XPNPEP1: variants seen among roughly 807,000 people sequenced by gnomAD.
XPNPEP1 encodes xaa-Pro aminopeptidase 1.
A neutral mutation model predicts 92.4 loss-of-function variants in XPNPEP1; 39 were observed. The observed-to-expected ratio is 0.42, with a 90% CI of 0.33 to 0.55. XPNPEP1 has a LOEUF of 0.55. Ranked by LOEUF, XPNPEP1 falls within the 20% of genes least tolerant of loss-of-function variation. XPNPEP1 has a pLI of 0.08. For synonymous variants in XPNPEP1, 307 were observed against 299.4 expected (o/e 1.03, Z -0.26); for missense variants, 654 against 856.1 (o/e 0.76, Z 2.95).
At chr10:109,917,970 A>G (rs7906367) in intron 1 of XPNPEP1, among the ~76,000 whole-genome samples, 83,757 of 151,898 alleles carry the variant, frequency 0.55, 25,352 homozygotes, top group African/African-American at 0.77. Context: ...AAAATTAGTC[A>G]GGCATGGTGG....
intron 1 of XPNPEP1, among the ~76,000 whole-genome samples, chr10:109,917,283 G>C (rs1280022690): frequency 1.3e-5 from 2 of 152,152 alleles, no homozygotes; most frequent in Non-Finnish European, 2.9e-5. Context: ...AGTTCATCAA[G>C]AATGCAGGAT....
chr10:109,870,674 A>C, intron 18 of XPNPEP1, 57 bp downstream of exon 18: 1 of 1,537,148 alleles, frequency 6.5e-7, no homozygotes, highest in Non-Finnish European at 8.8e-7. Context: ...AAAACAACGA[A>C]TAGCTTTCAA....
At chr10:109,886,187 C>G in intron 8 of XPNPEP1, 59 bp downstream of exon 8, 1 of 1,559,196 alleles carries the variant, frequency 6.4e-7, no homozygotes, top group Non-Finnish European at 8.8e-7. Flanking sequence ...ACACAGATAC[C>G]CAGAGACCCA....
At chr10:109,897,291 T>G (rs1339842571) in intron 3 of XPNPEP1, among the ~76,000 whole-genome samples, 2 of 151,964 alleles carry the variant, frequency 1.3e-5, no homozygotes, top group South Asian at 4.1e-4. Flanking sequence ...GCTAGTCATC[T>G]CTCAAAAATC....
At chr10:109,900,582 C>T (rs1027111430) in intron 3 of XPNPEP1, among the ~76,000 whole-genome samples, 9 of 152,156 alleles carry the variant, frequency 5.9e-5, no homozygotes, top group African/African-American at 2.2e-4. Context: ...ACATTTAATC[C>T]AGGTTGTACT....
chr10:109,916,475 C>A (rs1850198242), intron 1 of XPNPEP1, among the ~76,000 whole-genome samples: 2 of 152,268 alleles, frequency 1.3e-5, no homozygotes, highest in South Asian at 4.1e-4. Flanking sequence ...GCTATGAACT[C>A]AATTAAGTTA....
At chr10:109,887,929 G>A (rs1048905780) in intron 7 of XPNPEP1, 120 bp downstream of exon 7, 4 of 1,422,766 alleles carry the variant, frequency 2.8e-6, no homozygotes, top group Non-Finnish European at 2.8e-6. Context: ...GGGCAGAGTA[G>A]GGCAAAATCC....
In XPNPEP1 at chr10:109,882,599, C is replaced by T. The variant is rs1233034229; in HGVS notation, c.874G>A (p.Glu292Lys). Reference sequence around the variant, plus strand: ...AGACCCAAGTCAAGAAGCAGGTGCTCCTTCACACTGGGGGCGTCTATGCGG... The same window carrying T: ...AGACCCAAGTCAAGAAGCAGGTGCTTCTTCACACTGGGGGCGTCTATGCGG... ...GDRIDAPSVKEHLLLDLGLEA... is the reference protein window; with the variant it reads ...GDRIDAPSVKKHLLLDLGLEA... The change falls in exon 10 of 21, where the codon GAG becomes AAG. Residue 292 changes from glutamate to lysine, a missense_variant. Transcript: ENST00000502935. 1.2e-6 allele frequency: 2 copies of T among 1,614,130 alleles called. No individual in the cohort carries two copies. Among genetic ancestry groups the T allele is most frequent in the East Asian group, 4.5e-5 (2 of 44,888 alleles).
intron 1 of XPNPEP1, 152 bp downstream of exon 1, chr10:109,923,250 G>A: frequency 2.0e-6 from 2 of 985,302 alleles, no homozygotes; most frequent in Non-Finnish European, 2.4e-6. Context: ...CCCGGCTCCT[G>A]TTCCGGGGCT....
intron 1 of XPNPEP1, 170 bp from the exon 2 acceptor site, chr10:109,915,269 G>A: frequency 2.5e-6 from 1 of 401,324 alleles, no homozygotes; most frequent in East Asian, 3.7e-5. Context: ...AAACTTGCAG[G>A]TGTAAAACAT....
intron 3 of XPNPEP1, among the ~76,000 whole-genome samples, chr10:109,897,611 G>A (rs1849054000): frequency 6.6e-6 from 1 of 151,450 alleles, no homozygotes; most frequent in South Asian, 2.1e-4. Context: ...CTTCCCCAAG[G>A]TAACACCACA....
At chr10:109,905,449 C>T (rs1849508891) in intron 3 of XPNPEP1, among the ~76,000 whole-genome samples, 1 of 152,068 alleles carries the variant, frequency 6.6e-6, no homozygotes, top group Non-Finnish European at 1.5e-5. Context: ...ACCTCATGAT[C>T]CGCCTGCCTC....
Position 109,896,095 on chromosome 10 carries a change from T to C in XPNPEP1, c.247-3020A>G, listed in dbSNP as rs534455516. On this transcript the variant is annotated intron_variant, in intron 3 of 20. Coordinates refer to ENST00000502935, the MANE Select transcript of XPNPEP1 (RefSeq NM_020383.4). ...ATTCCTGCCTCAAGGCCTTGGCACA[T>C]GTGCTTCCTTGTGCCTATAAAAGTA... Among the ~76,000 whole-genome samples, 3 of 152,266 alleles carry C rather than the reference T, an allele frequency of 2.0e-5. No homozygotes were observed. The East Asian group carries it at 5.8e-4, about 29-fold the overall frequency.
chr10:109,880,449 A>C (rs1848028597), intron 11 of XPNPEP1, among the ~76,000 whole-genome samples: 1 of 152,150 alleles, frequency 6.6e-6, no homozygotes, highest in Admixed American at 6.5e-5. Context: ...TCAGTAGTTC[A>C]GGTACAATCA....
chr10:109,868,766 C>G, intron 19 of XPNPEP1, 54 bp from the exon 20 acceptor site: 1 of 1,522,304 alleles, frequency 6.6e-7, no homozygotes, highest in Non-Finnish European at 9.1e-7. Flanking sequence ...TATGCTGAAG[C>G]ACCATGAGGT....
intron 20 of XPNPEP1, among the ~76,000 whole-genome samples, chr10:109,865,759 G>C (rs1847105674): frequency 6.6e-6 from 1 of 152,200 alleles, no homozygotes; most frequent in Non-Finnish European, 1.5e-5. Flanking sequence ...ACTAGGATCA[G>C]CCAAGCCCAT....
Position 109,865,185 on chromosome 10 carries a change from T to A in XPNPEP1, c.2000A>T (p.Ter667LeuextTer1). The change falls in exon 21 of 21, where the codon TAA (stop) becomes TTA (leucine). Residue 667 changes from the stop codon to leucine, a stop_lost. Transcript: ENST00000502935. The stretch of plus-strand genomic sequence containing the variant: ...AAAACAAAACCGGGGAGGTATTTAT[T>A]AATGCTGTTTGGAGATGGGTTGCGT... ...RETQPISKQH* is the reference protein window; with the variant it reads ...RETQPISKQHL 6.2e-7 allele frequency: 1 copy of A among 1,614,160 alleles called. No individual in the cohort carries two copies. The highest frequency in any genetic ancestry group is 8.5e-7 in the Non-Finnish European group (1 of 1,180,014).
Position 109,865,322 on chromosome 10 carries a change from A to C in XPNPEP1, c.1873-10T>G. On this transcript the variant is annotated splice_polypyrimidine_tract_variant and intron_variant, in intron 20 of 20. Coordinates refer to ENST00000502935, the MANE Select transcript of XPNPEP1 (RefSeq NM_020383.4). The stretch of plus-strand genomic sequence containing the variant: ...TGTTGAGCCAGTCGCACTGCAGGGA[A>C]GAGAAGGACAGACACGGTATTCACC... 1.2e-6 allele frequency: 2 copies of C among 1,614,124 alleles called. No individual in the cohort carries two copies. The highest frequency in any genetic ancestry group is 1.7e-6 in the Non-Finnish European group (2 of 1,180,014).
chr10:109,869,095 A>T (rs1198026852), intron 19 of XPNPEP1, among the ~76,000 whole-genome samples: 1 of 152,214 alleles, frequency 6.6e-6, no homozygotes, highest in African/African-American at 2.4e-5. Context: ...TTTTTATAAC[A>T]GTCAACTGTG....
Sources: allele counts gnomAD v4.1 joint callset (sites outside exome capture counted in the v4.1 genomes callset), GRCh38; gene constraint gnomAD v4.1.1; transcripts MANE v1.5; gene names NCBI Gene and HGNC (gene_info 2026-07-23, HGNC 2026-07-21).